Variants in FRMPD4 observed in about 807,000 individuals in gnomAD.
The protein encoded by FRMPD4 is FERM and PDZ domain containing 4.
A neutral mutation model predicts 94.1 loss-of-function variants in FRMPD4; 22 were observed. The ratio of observed to expected loss-of-function variants is 0.23; its 90% CI spans 0.17 to 0.33. The LOEUF is 0.33. Ranked by LOEUF, FRMPD4 falls within the 10% of genes least tolerant of loss-of-function variation. The pLI is 1.00. For synonymous variants in FRMPD4, 631 were observed against 548.6 expected, an observed-to-expected ratio of 1.15 and a Z score of -2.10; for missense variants, 1,111 against 1,339.9, an observed-to-expected ratio of 0.83 and a Z score of 2.67.
At chrX:12,712,437 T>C (rs1325777661) in intron 14 of FRMPD4, among the ~76,000 whole-genome samples, 1 of 111,047 alleles carries the variant, frequency 9.0e-6, no homozygotes, top group Non-Finnish European at 1.9e-5. Flanking sequence ...TAGTCCTAGC[T>C]ACACGGGAGG....
rs185745882 is a variant in FRMPD4 at position 11,848,909 on chromosome X, C to T, written c.-160-16177C>T. On this transcript the variant is annotated intron_variant, in intron 1 of 18. Coordinates refer to the FRMPD4 transcript ENST00000640291. Reference sequence around the variant, plus strand: ...TAAGATCAGGAAGAAGAGAAGGATGCCTGCTTTCACTACTTCTACTTAATA... The same window carrying T: ...TAAGATCAGGAAGAAGAGAAGGATGTCTGCTTTCACTACTTCTACTTAATA... Among the ~76,000 whole-genome samples the T allele has an allele frequency of 2.5e-3, 278 of 111,638 alleles. 2 individuals are homozygous for T. Among genetic ancestry groups the T allele is most frequent in the African/African-American group, 8.7e-3 (269 of 30,775 alleles).
chrX:12,253,055 G>A (rs2054065147), intron 1 of FRMPD4, among the ~76,000 whole-genome samples: 1 of 112,354 alleles, frequency 8.9e-6, no homozygotes, highest in Admixed American at 9.4e-5. Flanking sequence ...TGTCATGTAG[G>A]TGAGGAGTCT....
chrX:12,343,784 C>T (rs370831064), intron 1 of FRMPD4, among the ~76,000 whole-genome samples: 6 of 111,611 alleles, frequency 5.4e-5, no homozygotes, highest in Non-Finnish European at 7.5e-5. Flanking sequence ...CCACATTTGC[C>T]GTTGCTTTGG....
At chrX:11,975,574 T>C (rs2054362878) in intron 3 of FRMPD4, among the ~76,000 whole-genome samples, 1 of 112,454 alleles carries the variant, frequency 8.9e-6, no homozygotes, top group African/African-American at 3.2e-5. Context: ...GAAAATTTTA[T>C]TCTTTTTTCA....
At chrX:12,087,033 G>A (rs1291020313) in intron 3 of FRMPD4, among the ~76,000 whole-genome samples, 1 of 111,531 alleles carries the variant, frequency 9.0e-6, no homozygotes, top group East Asian at 2.8e-4. Context: ...CTCACAAGAG[G>A]GCAGCTCACT....
rs761980163 is a variant in FRMPD4 at position 12,147,603 on chromosome X, T to C, written c.41+8591T>C. On this transcript the variant is annotated intron_variant, in intron 1 of 16. Transcript: ENST00000675598. ...GTCCAGTTTTGATCTGTGTCTCATTTATGAACTCTTCAAGGGCAAATCCCC... is the reference window on the plus strand; with the variant it reads ...GTCCAGTTTTGATCTGTGTCTCATTCATGAACTCTTCAAGGGCAAATCCCC... Among the ~76,000 whole-genome samples the C allele has an allele frequency of 3.6e-5, 4 of 111,794 alleles. No individual in the cohort carries two copies. The South Asian group carries it at 1.5e-3, about 42-fold the overall frequency.
At chrX:12,563,755 G>A (rs746353600) in intron 2 of FRMPD4, among the ~76,000 whole-genome samples, 2 of 112,139 alleles carry the variant, frequency 1.8e-5, no homozygotes, top group South Asian at 3.7e-4. Flanking sequence ...TGACTGGTCT[G>A]GAATGCTTCC....
At chrX:12,468,558 G>T (rs2057474915) in intron 1 of FRMPD4, among the ~76,000 whole-genome samples, 1 of 111,912 alleles carries the variant, frequency 8.9e-6, no homozygotes, top group South Asian at 3.7e-4. Flanking sequence ...GAGGATGGAA[G>T]TTCTTACAGA....
At chrX:12,237,119 G>C (rs764824728) in intron 1 of FRMPD4, among the ~76,000 whole-genome samples, 11 of 112,064 alleles carry the variant, frequency 9.8e-5, no homozygotes, top group Non-Finnish European at 1.9e-4. Flanking sequence ...ATATATATTA[G>C]GACATTTTTA....
chrX:12,598,874 T>TA (rs5901480), intron 2 of FRMPD4, among the ~76,000 whole-genome samples: 18,535 of 111,366 alleles, frequency 0.17, 2,033 homozygotes, highest in African/African-American at 0.39. Flanking sequence ...AATCACTTCT[T>TA]AAAATTATTT....
At chrX:12,539,122 G>C (rs771247687) in intron 2 of FRMPD4, among the ~76,000 whole-genome samples, 1 of 112,367 alleles carries the variant, frequency 8.9e-6, no homozygotes. Context: ...ACTATGGCAC[G>C]AGAACTACAT....
intron 2 of FRMPD4, among the ~76,000 whole-genome samples, chrX:12,530,827 G>A (rs767792845): frequency 7.2e-5 from 8 of 111,624 alleles, no homozygotes; most frequent in Non-Finnish European, 1.1e-4. Flanking sequence ...GGATTGACAG[G>A]AGGATGGATG....
At chrX:12,105,195 T>A (rs886576992) in intron 3 of FRMPD4, among the ~76,000 whole-genome samples, 2 of 111,943 alleles carry the variant, frequency 1.8e-5, no homozygotes, top group African/African-American at 6.5e-5. Context: ...GTCTCCACTT[T>A]CGTTGATTGA....
At chrX:12,546,177 CTTTT>C (rs11321204) in intron 2 of FRMPD4, among the ~76,000 whole-genome samples, 2 of 91,937 alleles carry the variant, frequency 2.2e-5, no homozygotes, top group Non-Finnish European at 4.4e-5. Context: ...TGCCAACTGT[CTTTT>C]TTTTTTTTTT....
intron 2 of FRMPD4, among the ~76,000 whole-genome samples, chrX:12,541,343 C>T (rs890558400): frequency 3.6e-5 from 4 of 110,359 alleles, no homozygotes; most frequent in Admixed American, 1.9e-4. Context: ...AGACGGCTAC[C>T]AAGATTAATA....
chrX:12,021,165 C>T (rs183793406), intron 3 of FRMPD4, among the ~76,000 whole-genome samples: 2 of 111,764 alleles, frequency 1.8e-5, no homozygotes, highest in Non-Finnish European at 3.8e-5. Context: ...AGGTATTTTG[C>T]TGAGTCTGTT....
At chrX:12,180,597 G>C (rs752832426) in intron 1 of FRMPD4, among the ~76,000 whole-genome samples, 1 of 112,450 alleles carries the variant, frequency 8.9e-6, no homozygotes, top group Non-Finnish European at 1.9e-5. Flanking sequence ...CTGGAATAAA[G>C]AGCCTGTCTA....
chrX:11,962,402 C>T (rs1417900144), intron 3 of FRMPD4, among the ~76,000 whole-genome samples: 2 of 111,922 alleles, frequency 1.8e-5, no homozygotes, highest in Non-Finnish European at 3.8e-5. Context: ...TAATCCCATT[C>T]ATGAGGGTAG....
rs138217564 is a variant in FRMPD4 at position 11,991,417 on chromosome X, G to A, written c.95+113399G>A. 4.5e-4 allele frequency among the ~76,000 whole-genome samples: 50 copies of A among 111,946 alleles called. No individual in the cohort carries two copies. The East Asian group carries it at 0.012, about 26-fold the overall frequency. ...AACAAGGAGTCAAGCTCTTATCGTT[G>A]CCTATAAAGATTCCACACCTTTGAA... On this transcript the variant is annotated intron_variant, in intron 3 of 18. Transcript: ENST00000640291.
Sources: allele counts gnomAD v4.1 joint callset (sites outside exome capture counted in the v4.1 genomes callset), GRCh38; gene constraint gnomAD v4.1.1; transcripts MANE v1.5; gene names NCBI Gene and HGNC (gene_info 2026-07-23, HGNC 2026-07-21).